PRKDC: variants seen among roughly 807,000 people sequenced by gnomAD.
PRKDC encodes the protein protein kinase, DNA-activated, catalytic subunit.
PRKDC carries 82 observed loss-of-function variants against 486.9 expected under a neutral mutation model. The ratio of observed to expected loss-of-function variants is 0.17; its 90% CI spans 0.14 to 0.20. The LOEUF is 0.20. Among genes scored for constraint, PRKDC ranks in the 10% least tolerant of loss-of-function variants. The pLI, the probability that PRKDC is intolerant of heterozygous loss-of-function variation, is 1.00. For missense variants in PRKDC, 4,504 were observed against 5,038.2 expected (o/e 0.89, Z 3.21); for synonymous variants, 1,895 against 1,837.0 (o/e 1.03, Z -0.81).
chr8:47,826,660 C>A lies in PRKDC; in HGVS notation c.8779G>T (p.Ala2927Ser). The A allele has an allele frequency of 6.2e-7, 1 of 1,606,916 alleles. No homozygotes were observed. Among genetic ancestry groups the A allele is most frequent in the Non-Finnish European group, 8.5e-7 (1 of 1,175,312 alleles). Residue 2927 changes from alanine (A) to serine (S), a missense_variant, in exon 63 of 86, where the codon GCT (alanine) becomes TCT (serine). By Grantham distance (99) the Ala-to-Ser change is moderately conservative. Coordinates refer to ENST00000314191, the MANE Select transcript of PRKDC (RefSeq NM_006904.7). ...AGCACCTGACCTCACACTTACTTAG[C>A]AAGCTCCACCCATCTGAGGACATCA... ...PPDVLRWVEL[A>S]KLYRSIGEYD...
At chr8:47,857,037 G>C in intron 49 of PRKDC, 119 bp downstream of exon 49, 1 of 1,133,816 alleles carries the variant, frequency 8.8e-7, no homozygotes, top group Middle Eastern at 2.4e-4. Flanking sequence ...CAGCAATGTA[G>C]CAACAAATGC....
intron 7 of PRKDC, among the ~76,000 whole-genome samples, chr8:47,944,820 C>T (rs2090504154): frequency 6.6e-6 from 1 of 152,108 alleles, no homozygotes; most frequent in Non-Finnish European, 1.5e-5. Flanking sequence ...TGAGACAGAG[C>T]CCTGATGATG....
chr8:47,852,557 G>T, intron 52 of PRKDC, 116 bp downstream of exon 52: 1 of 561,548 alleles, frequency 1.8e-6, no homozygotes, highest in Non-Finnish European at 3.0e-6. Flanking sequence ...TTTAATAAAT[G>T]CAGATGCCCA....
intron 40 of PRKDC, among the ~76,000 whole-genome samples, chr8:47,872,851 C>A (rs1210551365): frequency 6.6e-6 from 1 of 152,184 alleles, no homozygotes; most frequent in Admixed American, 6.5e-5. Context: ...AAGACTTCAA[C>A]ACCCCGCCTT....
At chr8:47,825,568 CA>C (rs1002824941) in intron 63 of PRKDC, among the ~76,000 whole-genome samples, 1 of 136,228 alleles carries the variant, frequency 7.3e-6, no homozygotes, top group Non-Finnish European at 1.6e-5. Context: ...GCAAGGAATG[CA>C]AAAATATCAC....
intron 61 of PRKDC, among the ~76,000 whole-genome samples, chr8:47,828,892 C>T (rs941493761): frequency 6.6e-6 from 1 of 152,210 alleles, no homozygotes. Flanking sequence ...CCATCAAAGG[C>T]TTCTTCTGAG....
At chr8:47,788,556 C>T (rs2086831580) in intron 76 of PRKDC, among the ~76,000 whole-genome samples, 2 of 152,198 alleles carry the variant, frequency 1.3e-5, no homozygotes, top group South Asian at 4.1e-4. Flanking sequence ...CTTGAAAATA[C>T]TTATCAGCTT....
At chr8:47,879,834 CTTTTT>C (rs759336069) in intron 38 of PRKDC, among the ~76,000 whole-genome samples, 176 bp from the exon 39 acceptor site, 1 of 99,200 alleles carries the variant, frequency 1.0e-5, no homozygotes, top group Non-Finnish European at 1.9e-5. Flanking sequence ...TATACCTCAG[CTTTTT>C]TTTTTTTTTT....
At chr8:47,847,518 A>G (rs2088295511) in intron 54 of PRKDC, among the ~76,000 whole-genome samples, 1 of 152,218 alleles carries the variant, frequency 6.6e-6, no homozygotes, top group Non-Finnish European at 1.5e-5. Flanking sequence ...ACTTCAATGT[A>G]AGACTTCAAA....
intron 63 of PRKDC, among the ~76,000 whole-genome samples, chr8:47,825,632 G>C (rs2087722776): frequency 6.6e-6 from 1 of 151,654 alleles, no homozygotes; most frequent in African/African-American, 2.4e-5. Flanking sequence ...TAAAGTTTAG[G>C]CCCTTAAAAG....
chr8:47,889,902 T>C (rs1589769030), intron 32 of PRKDC, among the ~76,000 whole-genome samples: 1 of 152,008 alleles, frequency 6.6e-6, no homozygotes, highest in African/African-American at 2.4e-5. Context: ...GTTACATATA[T>C]GAGGTAACAG....
intron 59 of PRKDC, among the ~76,000 whole-genome samples, chr8:47,832,577 A>C (rs974308513): frequency 6.6e-6 from 1 of 152,270 alleles, no homozygotes; most frequent in African/African-American, 2.4e-5. Context: ...GAAACGTGTC[A>C]TAACTTAAAA....
intron 68 of PRKDC, among the ~76,000 whole-genome samples, chr8:47,816,258 G>A (rs920844162): frequency 6.6e-6 from 1 of 151,886 alleles, no homozygotes; most frequent in South Asian, 2.1e-4. Context: ...TGTGCCCCAC[G>A]TGTGATTTGC....
At chr8:47,873,152 T>C (rs1257292607) in intron 40 of PRKDC, among the ~76,000 whole-genome samples, 7 of 139,130 alleles carry the variant, frequency 5.0e-5, no homozygotes, top group Non-Finnish European at 7.5e-5. Flanking sequence ...AAACTAAAAA[T>C]AGAACTTCCA....
chr8:47,785,396 T>C (rs1196617391), intron 76 of PRKDC, 79 bp from the exon 77 acceptor site: 4 of 1,079,656 alleles, frequency 3.7e-6, no homozygotes, highest in Middle Eastern at 2.8e-4. Context: ...ATAAGTGTAA[T>C]GAATGGAGTG....
At chr8:47,888,289 T>C (rs1412084731) in intron 34 of PRKDC, among the ~76,000 whole-genome samples, 1 of 152,206 alleles carries the variant, frequency 6.6e-6, no homozygotes, top group Non-Finnish European at 1.5e-5. Flanking sequence ...AAATGTCCTT[T>C]ATTTTACTTT....
intron 55 of PRKDC, 149 bp downstream of exon 55, chr8:47,839,866 CA>C: frequency 1.7e-6 from 1 of 573,298 alleles, no homozygotes; most frequent in Non-Finnish European, 2.9e-6. Flanking sequence ...CCCAGCTACG[CA>C]AAAGGCTGAG....
intron 9 of PRKDC, 23 bp downstream of exon 9, chr8:47,943,830 C>T (rs372587288): frequency 1.9e-6 from 3 of 1,542,730 alleles, no homozygotes; most frequent in East Asian, 4.6e-5. Flanking sequence ...AAATATTATA[C>T]CTCATTATAA....
chr8:47,802,024 G>A (rs1332998156), intron 70 of PRKDC, among the ~76,000 whole-genome samples: 1 of 152,132 alleles, frequency 6.6e-6, no homozygotes, highest in Non-Finnish European at 1.5e-5. Context: ...CCTCAAAAAA[G>A]CCCATATAAT....
Sources: allele counts gnomAD v4.1 joint callset (sites outside exome capture counted in the v4.1 genomes callset), GRCh38; gene constraint gnomAD v4.1.1; transcripts MANE v1.5; gene names NCBI Gene and HGNC (gene_info 2026-07-23, HGNC 2026-07-21).